The following SCN11A variants were observed in gnomAD, a reference collection of about 807,000 sequenced individuals.
The protein encoded by SCN11A is sodium channel protein type 11 subunit alpha.
In SCN11A, 122 loss-of-function variants were observed where a neutral mutation model predicts 162.2. The ratio of observed to expected loss-of-function variants is 0.75; its 90% CI spans 0.65 to 0.87. The LOEUF (loss-of-function observed/expected upper bound fraction) is 0.87. SCN11A is among the 40% of genes least tolerant of loss of function. The probability of loss-of-function intolerance (pLI) is 0.00; values close to 1 mark genes in which losing one functional copy is unlikely to be tolerated. For synonymous variants in SCN11A, 758 were observed against 751.5 expected, an observed-to-expected ratio of 1.01 and a Z score of -0.14; for missense variants, 2,015 against 2,181.6, an observed-to-expected ratio of 0.92 and a Z score of 1.52.
intron 2 of SCN11A, among the ~76,000 whole-genome samples, chr3:38,992,341 A>T (rs957765471): frequency 6.6e-6 from 1 of 152,230 alleles, no homozygotes; most frequent in African/African-American, 2.4e-5. Context: ...GTGCAGCTCA[A>T]CACTCAATCC....
chr3:38,917,203 T>A (rs999446141), intron 11 of SCN11A, among the ~76,000 whole-genome samples: 1 of 152,214 alleles, frequency 6.6e-6, no homozygotes, highest in Non-Finnish European at 1.5e-5. Context: ...AAGGAACATT[T>A]ATCCACCGTT....
chr3:38,980,880 G>A (rs896486027), intron 2 of SCN11A, among the ~76,000 whole-genome samples: 4 of 152,194 alleles, frequency 2.6e-5, no homozygotes, highest in African/African-American at 9.6e-5. Context: ...GGTGGAAGCT[G>A]AGCCAAAGGA....
In SCN11A at chr3:38,859,176, G is replaced by C. The variant is rs368445187; in HGVS notation, c.4056+4019C>G. 7.2e-4 allele frequency among the ~76,000 whole-genome samples: 110 copies of C among 151,904 alleles called. 1 individual carries two copies. Among genetic ancestry groups the C allele is most frequent in the African/African-American group, 2.6e-3 (109 of 41,438 alleles). On this transcript the variant is annotated intron_variant, in intron 28 of 29. Transcript: ENST00000302328. ...CCAGCAGAAGAAAATAAATAACAAA[G>C]ATCAAGCAGAAATAAATTAAACTGA...
At chr3:39,023,439 T>C (rs1025275903) in intron 2 of SCN11A, among the ~76,000 whole-genome samples, 1 of 152,240 alleles carries the variant, frequency 6.6e-6, no homozygotes, top group African/African-American at 2.4e-5. Context: ...ATGACTTTTA[T>C]ATTTCTATTC....
intron 11 of SCN11A, among the ~76,000 whole-genome samples, chr3:38,917,728 C>T (rs910882842): frequency 6.6e-5 from 10 of 152,154 alleles, no homozygotes; most frequent in Non-Finnish European, 1.0e-4. Flanking sequence ...AGATTTAATA[C>T]CTGGGTGATG....
chr3:38,867,234 A>G (rs2065054622), intron 27 of SCN11A, 87 bp downstream of exon 27: 3 of 1,314,248 alleles, frequency 2.3e-6, no homozygotes, highest in South Asian at 2.5e-5. Flanking sequence ...GCTACTTTGT[A>G]TAACATTCTA....
In SCN11A at chr3:38,986,210, C is replaced by A. The variant is rs1018152116; in HGVS notation, c.-279-25787G>T. On this transcript the variant is annotated intron_variant, in intron 2 of 29. Transcript: ENST00000302328. Reference sequence around the variant, plus strand: ...AGCTGAGAATCACTAGAGGCCATTTCAATGGACCGTCACCACACCATCCAC... The same window carrying A: ...AGCTGAGAATCACTAGAGGCCATTTAAATGGACCGTCACCACACCATCCAC... 8.0e-5 allele frequency among the ~76,000 whole-genome samples: 12 copies of A among 150,774 alleles called. 4 individuals carry two copies. Among genetic ancestry groups the A allele is most frequent in the African/African-American group, 3.0e-4 (12 of 40,156 alleles).
chr3:38,880,735 A>C (rs1394661290), intron 22 of SCN11A, among the ~76,000 whole-genome samples: 1 of 152,186 alleles, frequency 6.6e-6, no homozygotes, highest in African/African-American at 2.4e-5. Flanking sequence ...AGTGTAAATT[A>C]CTTTGAATAT....
At chr3:38,894,439 T>G in intron 19 of SCN11A, 94 bp downstream of exon 19, 1 of 1,026,106 alleles carries the variant, frequency 9.7e-7, no homozygotes, top group Non-Finnish European at 1.5e-6. Flanking sequence ...ACCCTTATTA[T>G]CCTTGCATAG....
At chr3:39,033,517 T>C (rs1476718162) in intron 1 of SCN11A, among the ~76,000 whole-genome samples, 7 of 152,188 alleles carry the variant, frequency 4.6e-5, no homozygotes, top group African/African-American at 1.7e-4. Context: ...AGTTAAGACC[T>C]TGGGGGCTTG....
intron 28 of SCN11A, among the ~76,000 whole-genome samples, chr3:38,860,562 C>T (rs975451825): frequency 6.6e-6 from 1 of 152,090 alleles, no homozygotes; most frequent in Non-Finnish European, 1.5e-5. Flanking sequence ...AGGTTTTATA[C>T]CAGGAATGCA....
chr3:39,013,592 C>G (rs977303122), intron 2 of SCN11A, among the ~76,000 whole-genome samples: 1 of 152,250 alleles, frequency 6.6e-6, no homozygotes, highest in African/African-American at 2.4e-5. Flanking sequence ...ACAGGATCAG[C>G]ATAGCCCACC....
intron 28 of SCN11A, among the ~76,000 whole-genome samples, chr3:38,857,673 T>G (rs917191398): frequency 6.6e-6 from 1 of 152,180 alleles, no homozygotes; most frequent in East Asian, 1.9e-4. Flanking sequence ...ACAAAAAGAT[T>G]ATCACCTAGG....
In SCN11A at chr3:38,846,990, G is replaced by GT; in HGVS notation, c.5079dup (p.Leu1694ThrfsTer5). 6.2e-7 allele frequency: 1 copy of GT among 1,614,094 alleles called. No individual in the cohort carries two copies. Among genetic ancestry groups the GT allele is most frequent in the Non-Finnish European group, 8.5e-7 (1 of 1,180,024 alleles). ...CTATCTAGGCCATCAGAGCCACCGA[G>GT]TACCCTAGCGGTGAAGGCGAAAAGA... On this transcript the variant is annotated frameshift_variant, in exon 30 of 30. Transcript: ENST00000302328. LOFTEE classifies it low-confidence loss of function (END_TRUNC).
At chr3:38,962,396 C>T (rs553897836) in intron 2 of SCN11A, among the ~76,000 whole-genome samples, 2 of 151,980 alleles carry the variant, frequency 1.3e-5, no homozygotes, top group African/African-American at 4.8e-5. Flanking sequence ...TTTTCTAATT[C>T]TGTGAAGAAT....
At chr3:39,012,598 AG>A (rs2031178489) in intron 2 of SCN11A, among the ~76,000 whole-genome samples, 1 of 150,946 alleles carries the variant, frequency 6.6e-6, no homozygotes, top group Non-Finnish European at 1.5e-5. Context: ...CTCCTGCCTC[AG>A]CCTCCCAAGC....
intron 2 of SCN11A, among the ~76,000 whole-genome samples, chr3:39,006,350 C>T (rs1436935163): frequency 6.6e-6 from 1 of 152,114 alleles, no homozygotes; most frequent in Non-Finnish European, 1.5e-5. Flanking sequence ...AGAATCTGAC[C>T]AGCCCAAGAA....
chr3:38,944,781 T>C (rs1425413575), intron 7 of SCN11A, among the ~76,000 whole-genome samples: 1 of 151,556 alleles, frequency 6.6e-6, no homozygotes, highest in Non-Finnish European at 1.5e-5. Flanking sequence ...GCCAACATGG[T>C]GAAACCCTGT....
Position 38,894,833 on chromosome 3 carries a change from A to T in SCN11A, c.2535T>A (p.Phe845Leu), listed in dbSNP as rs1405351488. The T allele has an allele frequency of 6.2e-7, 1 of 1,614,078 alleles. No individual in the cohort carries two copies. Among genetic ancestry groups the T allele is most frequent in the Non-Finnish European group, 8.5e-7 (1 of 1,180,034 alleles). ...ALDRFRRAFCFVRHTLEHFCH... is the reference protein window; with the variant it reads ...ALDRFRRAFCLVRHTLEHFCH... Reference sequence around the variant, plus strand: ...AGAAATGCTCAAGAGTGTGTCTCACAAAACAAAAAGCCCGGCGGAATCGAT... The same window carrying T: ...AGAAATGCTCAAGAGTGTGTCTCACTAAACAAAAAGCCCGGCGGAATCGAT... The change falls in exon 19 of 30, where the codon TTT (phenylalanine) becomes TTA (leucine). Residue 845 changes from phenylalanine (F) to leucine (L), a missense_variant. Phe to Leu is a conservative substitution (Grantham distance 22). Coordinates refer to ENST00000302328, the MANE Select transcript of SCN11A (RefSeq NM_001349253.2).
Sources: gnomAD v4.1 joint callset for allele counts (sites outside exome capture counted in the v4.1 genomes callset) on GRCh38, gnomAD v4.1.1 for gene constraint, MANE v1.5 for transcripts, NCBI Gene and HGNC (gene_info 2026-07-23, HGNC 2026-07-21) for gene names.